Variants in NPAS3 observed in about 807,000 individuals in gnomAD.
The protein encoded by NPAS3 is neuronal PAS domain-containing protein 3.
NPAS3 carries 14 observed loss-of-function variants against 73.1 expected under a neutral mutation model. The ratio of observed to expected loss-of-function variants is 0.19; its 90% CI spans 0.13 to 0.30. The LOEUF (loss-of-function observed/expected upper bound fraction) is 0.30. NPAS3 is among the 10% of genes least tolerant of loss of function. NPAS3 has a pLI of 1.00. For missense variants in NPAS3, 1,096 were observed against 1,250.0 expected (o/e 0.88, Z 1.86); for synonymous variants, 620 against 541.5 (o/e 1.14, Z -2.01).
intron 4 of NPAS3, among the ~76,000 whole-genome samples, chr14:33,451,001 C>T (rs1384550416): frequency 5.9e-5 from 9 of 152,148 alleles, no homozygotes; most frequent in East Asian, 1.9e-4. Context: ...TCCTAACAAA[C>T]GCTGAAAATG....
intron 1 of NPAS3, among the ~76,000 whole-genome samples, chr14:33,012,819 G>A (rs2039258708): frequency 6.6e-6 from 1 of 152,134 alleles, no homozygotes; most frequent in African/African-American, 2.4e-5. Flanking sequence ...CAAAGTGCTA[G>A]GATTACAGGC....
At chr14:33,111,553 G>A (rs760228051) in intron 2 of NPAS3, among the ~76,000 whole-genome samples, 19 of 151,810 alleles carry the variant, frequency 1.3e-4, no homozygotes, top group East Asian at 5.8e-4. Context: ...CATTATTAAT[G>A]TGCAGGTTTC....
At chr14:33,514,533 G>A (rs2053212069) in intron 4 of NPAS3, among the ~76,000 whole-genome samples, 1 of 151,980 alleles carries the variant, frequency 6.6e-6, no homozygotes, top group Admixed American at 6.6e-5. Flanking sequence ...AGTTGATGAG[G>A]AAGCAAAATC....
intron 3 of NPAS3, among the ~76,000 whole-genome samples, chr14:33,317,525 G>T (rs1286800089): frequency 6.6e-6 from 1 of 152,064 alleles, no homozygotes; most frequent in African/African-American, 2.4e-5. Flanking sequence ...CTCCCATGTT[G>T]TGGGAGGGAC....
intron 5 of NPAS3, among the ~76,000 whole-genome samples, chr14:33,611,701 CAAAG>C (rs761913836): frequency 1.3e-5 from 2 of 152,066 alleles, no homozygotes; most frequent in East Asian, 1.9e-4. Context: ...CTGTTCAAAA[CAAAG>C]AAGGCTAATT....
At chr14:32,964,822 AAAG>A (rs912531123) in intron 1 of NPAS3, among the ~76,000 whole-genome samples, 8 of 151,660 alleles carry the variant, frequency 5.3e-5, no homozygotes, top group African/African-American at 1.2e-4. Context: ...CAAAAAAAAA[AAAG>A]AAGAAGATTA....
intron 2 of NPAS3, among the ~76,000 whole-genome samples, chr14:33,171,214 G>C (rs1236013487): frequency 6.6e-6 from 1 of 152,092 alleles, no homozygotes; most frequent in Non-Finnish European, 1.5e-5. Context: ...CTTTTTTTCT[G>C]AGTAGTACAT....
intron 4 of NPAS3, among the ~76,000 whole-genome samples, chr14:33,392,696 T>C (rs953805530): frequency 2.1e-4 from 32 of 152,234 alleles, no homozygotes; most frequent in African/African-American, 7.0e-4. Flanking sequence ...AATGGTGTTA[T>C]GGTGTGGTGT....
intron 3 of NPAS3, among the ~76,000 whole-genome samples, chr14:33,358,111 C>G (rs2045420719): frequency 6.6e-6 from 1 of 152,156 alleles, no homozygotes; most frequent in South Asian, 2.1e-4. Context: ...GGAATCACAG[C>G]AGTGCACTTC....
chr14:33,118,686 G>A (rs186575341), intron 2 of NPAS3, among the ~76,000 whole-genome samples: 2 of 152,166 alleles, frequency 1.3e-5, no homozygotes, highest in Admixed American at 6.6e-5. Context: ...ATTGAAAAAT[G>A]AATTGTTTAT....
At chr14:33,157,718 A>G (rs1013954818) in intron 2 of NPAS3, among the ~76,000 whole-genome samples, 1 of 152,192 alleles carries the variant, frequency 6.6e-6, no homozygotes, top group Non-Finnish European at 1.5e-5. Context: ...ACCTTATGTA[A>G]GACCGGGTAC....
At position 33,104,960 on chromosome 14, in the gene NPAS3, T is replaced by A. The variant is rs75379847; in HGVS notation, c.140+48966T>A. Reference sequence around the variant, plus strand: ...CAGCATTGATAATGGGGGTTGCGTTTGTTGCTGATGTGTAAGGAAGGTTTT... The same window carrying A: ...CAGCATTGATAATGGGGGTTGCGTTAGTTGCTGATGTGTAAGGAAGGTTTT... On this transcript the variant is annotated intron_variant, in intron 2 of 11. Transcript: ENST00000356141. Among the ~76,000 whole-genome samples, 1,386 of 152,296 alleles carry A rather than the reference T, an allele frequency of 9.1e-3. 15 individuals are homozygous for A. Among genetic ancestry groups the A allele is most frequent in the Non-Finnish European group, 0.016 (1,057 of 68,012 alleles).
chr14:33,519,458 CT>C (rs1383173219), intron 4 of NPAS3, among the ~76,000 whole-genome samples: 7 of 152,108 alleles, frequency 4.6e-5, no homozygotes, highest in African/African-American at 1.7e-4. Flanking sequence ...CCAGCTTCCC[CT>C]GATGTCATTC....
At chr14:33,537,310 G>C (rs942784150) in intron 4 of NPAS3, among the ~76,000 whole-genome samples, 1 of 152,178 alleles carries the variant, frequency 6.6e-6, no homozygotes, top group Non-Finnish European at 1.5e-5. Flanking sequence ...ACATTAGAAT[G>C]TGCCAACCAA....
At chr14:33,803,891 A>T (rs1595651869), downstream of NPAS3, 2 of 152,174 alleles carry the variant, frequency 1.3e-5, no homozygotes, top group Admixed American at 1.3e-4. Flanking sequence ...ATATATATAT[A>T]AAAAAATAAT....
At chr14:33,466,482 C>T (rs1734139106) in intron 4 of NPAS3, among the ~76,000 whole-genome samples, 1 of 152,140 alleles carries the variant, frequency 6.6e-6, no homozygotes, top group Non-Finnish European at 1.5e-5. Context: ...CAATTGTATG[C>T]CTTTTGAGAA....
intron 6 of NPAS3, among the ~76,000 whole-genome samples, chr14:33,708,348 C>T (rs1244581728): frequency 6.6e-6 from 1 of 152,104 alleles, no homozygotes; most frequent in African/African-American, 2.4e-5. Flanking sequence ...GGGTGTGATA[C>T]ATTTTGACTT....
At chr14:33,233,102 A>T (rs2047911602) in intron 3 of NPAS3, among the ~76,000 whole-genome samples, 1 of 152,182 alleles carries the variant, frequency 6.6e-6, no homozygotes, top group African/African-American at 2.4e-5. Flanking sequence ...TGACAAATCA[A>T]ATTACTTAAA....
At chr14:33,428,523 A>G (rs770248784) in intron 4 of NPAS3, among the ~76,000 whole-genome samples, 1 of 152,134 alleles carries the variant, frequency 6.6e-6, no homozygotes, top group Non-Finnish European at 1.5e-5. Context: ...AATGTTGAAC[A>G]TTAATGTTCA....
Sources: allele counts gnomAD v4.1 joint callset (sites outside exome capture counted in the v4.1 genomes callset), GRCh38; gene constraint gnomAD v4.1.1; transcripts MANE v1.5; gene names NCBI Gene and HGNC (gene_info 2026-07-23, HGNC 2026-07-21).